The following MYL4 variants were observed in gnomAD, a reference collection of about 807,000 sequenced individuals.
The protein encoded by MYL4 is atrial myosin light chain 1.
A neutral mutation model predicts 21.6 loss-of-function variants in MYL4; 16 were observed. The ratio of observed to expected loss-of-function variants is 0.74; its 90% CI spans 0.50 to 1.12. MYL4 has a LOEUF of 1.12. Among genes scored for constraint, MYL4 ranks in the 50% most tolerant of loss-of-function variants. The pLI, the probability that MYL4 is intolerant of heterozygous loss-of-function variation, is 0.00. For synonymous variants in MYL4, 82 were observed against 95.7 expected (o/e 0.86, Z 0.83); for missense variants, 249 against 252.9 (o/e 0.98, Z 0.11).
rs2149047489 is a variant in MYL4 at position 47,220,001 on chromosome 17, G to C, written c.261G>C (p.Gln87His). ...QCGDVLRALG[Q>H]NPTNAEVLRV... ...GGGATGTACTGCGGGCCCTGGGCCA[G>C]AACCCTACCAATGCCGAGGTGCTGC... The change falls in exon 3 of 7, where the codon CAG becomes CAC. Residue 87 changes from glutamine to histidine, a missense_variant. By Grantham distance (24) the Gln-to-His change is conservative. Transcript: ENST00000393450. 6.2e-7 allele frequency: 1 copy of C among 1,614,244 alleles called. No individual in the cohort carries two copies. The highest frequency in any genetic ancestry group is 1.7e-5 in the Admixed American group (1 of 60,034).
the MYL4 span, among the ~76,000 whole-genome samples, chr17:47,193,583 T>A: frequency 6.6e-6 from 1 of 152,226 alleles, no homozygotes; most frequent in Middle Eastern, 3.4e-3. Context: ...CTCTGTTTTT[T>A]AATCGGTTTC....
chr17:47,223,200 C>A, intron 6 of MYL4, 143 bp downstream of exon 6: 2 of 770,646 alleles, frequency 2.6e-6, no homozygotes, highest in South Asian at 1.8e-5. Flanking sequence ...GACAGCCCTG[C>A]TCACTCACCA....
chr17:47,195,815 C>T (rs1336017528), upstream of MYL4, among the ~76,000 whole-genome samples: 4 of 152,226 alleles, frequency 2.6e-5, no homozygotes, highest in Non-Finnish European at 5.9e-5. Context: ...TGCTACCAGA[C>T]TTGTCATTAC....
intron 1 of MYL4, among the ~76,000 whole-genome samples, chr17:47,212,826 A>T (rs1264554529): frequency 6.6e-6 from 1 of 152,166 alleles, no homozygotes; most frequent in Non-Finnish European, 1.5e-5. Flanking sequence ...TGAACAACTT[A>T]GTTTCAGCTT....
intron 3 of MYL4, among the ~76,000 whole-genome samples, chr17:47,221,359 G>T (rs2064854498): frequency 6.6e-6 from 1 of 152,140 alleles, no homozygotes; most frequent in Non-Finnish European, 1.5e-5. Flanking sequence ...CTCACATCCT[G>T]CTGCTGCCAC....
At chr17:47,227,357 C>T (rs532700978), downstream of MYL4, among the ~76,000 whole-genome samples, 26 of 152,318 alleles carry the variant, frequency 1.7e-4, no homozygotes, top group African/African-American at 6.3e-4. Flanking sequence ...TAAAAAGTGA[C>T]TAAATAAAGT....
At chr17:47,222,510 C>G (rs2064864416) in intron 5 of MYL4, 53 bp downstream of exon 5, 2 of 1,579,088 alleles carry the variant, frequency 1.3e-6, no homozygotes, top group South Asian at 2.2e-5. Flanking sequence ...AGGATGGGAA[C>G]AGCTTGGGTG....
chr17:47,197,600 G>A (rs1488551242), upstream of MYL4, among the ~76,000 whole-genome samples: 4 of 152,108 alleles, frequency 2.6e-5, no homozygotes, highest in Admixed American at 6.5e-5. Context: ...TAGAAGCAAT[G>A]TGCAGTCAGT....
At chr17:47,203,292 C>T (rs878899389) in intron 1 of MYL4, among the ~76,000 whole-genome samples, 3 of 152,082 alleles carry the variant, frequency 2.0e-5, no homozygotes, top group Admixed American at 6.6e-5. Flanking sequence ...TAAATGTAAA[C>T]GTACTATCCT....
chr17:47,198,668 G>A (rs1220820131), upstream of MYL4, among the ~76,000 whole-genome samples: 1 of 152,182 alleles, frequency 6.6e-6, no homozygotes, highest in Non-Finnish European at 1.5e-5. Flanking sequence ...AGCCTCAGAT[G>A]AGAAATATCC....
the MYL4 span, among the ~76,000 whole-genome samples, chr17:47,194,971 G>A: frequency 6.6e-6 from 1 of 151,432 alleles, no homozygotes; most frequent in African/African-American, 2.4e-5. Context: ...GAACTCCTGA[G>A]CTCAAGTGGT....
chr17:47,204,166 G>A (rs1193793936), upstream of MYL4, among the ~76,000 whole-genome samples: 1 of 152,226 alleles, frequency 6.6e-6, no homozygotes, highest in African/African-American at 2.4e-5. Context: ...AGCACCGTTT[G>A]TCATAAGACA....
At chr17:47,201,031 G>T (rs2064707404) in intron 1 of MYL4, among the ~76,000 whole-genome samples, 1 of 152,170 alleles carries the variant, frequency 6.6e-6, no homozygotes, top group Admixed American at 6.5e-5. Flanking sequence ...AATTAGCTGG[G>T]CATGGTGGCG....
downstream of MYL4, among the ~76,000 whole-genome samples, chr17:47,226,348 G>T (rs1038340397): frequency 1.3e-5 from 2 of 152,222 alleles, no homozygotes; most frequent in African/African-American, 4.8e-5. Flanking sequence ...AGGAAAAGGT[G>T]CCCCAAGGTT....
intron 2 of MYL4, among the ~76,000 whole-genome samples, chr17:47,214,084 C>T (rs2064796728): frequency 1.3e-5 from 2 of 152,204 alleles, no homozygotes; most frequent in African/African-American, 4.8e-5. Flanking sequence ...TAAACTGAGA[C>T]ACATAGAGAT....
chr17:47,206,242 C>T (rs561007575), upstream of MYL4, among the ~76,000 whole-genome samples: 58 of 152,162 alleles, frequency 3.8e-4, no homozygotes, highest in African/African-American at 1.3e-3. Flanking sequence ...GAGCCCCATT[C>T]GGCTTTCCCA....
Position 47,223,614 on chromosome 17 carries a change from G to T in MYL4, c.*121G>T, listed in dbSNP as rs1270941447. The T allele has an allele frequency of 6.6e-6, 1 of 152,634 alleles. No homozygotes were observed. The highest frequency in any genetic ancestry group is 1.5e-5 in the Non-Finnish European group (1 of 68,392). 9.5% of individuals were successfully genotyped at this position (152,634 alleles called of 1,614,324 possible). On this transcript the variant is annotated 3_prime_UTR_variant, in exon 7 of 7. Coordinates refer to ENST00000393450, the MANE Select transcript of MYL4 (RefSeq NM_002476.2). ...CTTATCACCACACCACTGCCCCAAG[G>T]ACCTTACAGGCCCTCCCTGTTAATA... is the stretch of plus-strand genomic sequence containing the variant.
upstream of MYL4, among the ~76,000 whole-genome samples, chr17:47,196,846 G>A (rs1433416342): frequency 6.6e-6 from 1 of 152,060 alleles, no homozygotes; most frequent in Non-Finnish European, 1.5e-5. Context: ...ACCTAGTTCA[G>A]TGCCCTGCAC....
chr17:47,193,232 T>C, the MYL4 span, among the ~76,000 whole-genome samples: 1 of 145,696 alleles, frequency 6.9e-6, no homozygotes, highest in South Asian at 2.4e-4. Flanking sequence ...GCTTCTCTAA[T>C]GACACCATCT....
Sources: allele counts gnomAD v4.1 joint callset (sites outside exome capture counted in the v4.1 genomes callset), GRCh38; gene constraint gnomAD v4.1.1; transcripts MANE v1.5; gene names NCBI Gene and HGNC (gene_info 2026-07-23, HGNC 2026-07-21).